Variants in HEATR9 observed in about 807,000 individuals in gnomAD.
HEATR9 encodes HEAT repeat containing 9.
Under a neutral mutation model 68.2 loss-of-function variants are expected in HEATR9, and 54 were observed. The ratio of observed to expected loss-of-function variants is 0.79; its 90% CI spans 0.64 to 0.99. HEATR9 has a LOEUF of 0.99. HEATR9 is among the 50% of genes least tolerant of loss of function. HEATR9 has a pLI of 0.00. For synonymous variants in HEATR9, 241 were observed against 253.5 expected, an observed-to-expected ratio of 0.95 and a Z score of 0.47; for missense variants, 662 against 679.7, an observed-to-expected ratio of 0.97 and a Z score of 0.29.
intron 8 of HEATR9, chr17:35,861,134 A>T (rs183902714): frequency 3.4e-5 from 46 of 1,352,860 alleles, no homozygotes; most frequent in Non-Finnish European, 4.7e-5. Context: ...TTCTCTTCCA[A>T]CTGCTTCCCT....
At chr17:35,867,656 G>GA (rs112596478) in intron 1 of HEATR9, among the ~76,000 whole-genome samples, 49 of 149,000 alleles carry the variant, frequency 3.3e-4, no homozygotes, top group Non-Finnish European at 5.1e-4. Context: ...CCTCAATTAG[G>GA]AAAAAAAAAA....
chr17:35,863,457 G>C (rs781092264), intron 7 of HEATR9, 45 bp downstream of exon 7: 2 of 1,584,758 alleles, frequency 1.3e-6, no homozygotes, highest in South Asian at 2.2e-5. Flanking sequence ...AGGAGAAAGT[G>C]GTTGCACTTT....
rs1194822883 is a variant in HEATR9 at position 35,863,008 on chromosome 17, A to G, written c.743T>C (p.Val248Ala). 2 of 1,614,042 alleles carry G rather than the reference A, an allele frequency of 1.2e-6. No homozygotes were observed. The highest frequency in any genetic ancestry group is 1.7e-5 in the Admixed American group (1 of 60,000). Residue 248 changes from valine to alanine, a missense_variant, in exon 8 of 15, where the codon GTC becomes GCC. Transcript: ENST00000604834. ...CCTCCCAATCACCTTGTCTTTAGAG[A>G]CAGCAGCCCAGGAGTTAAGAGCCAT... Reference protein sequence around the residue: ...LRMALNSWAAVSKDKRTQVGD... With the variant: ...LRMALNSWAAASKDKRTQVGD...
intron 8 of HEATR9, chr17:35,861,638 C>A: frequency 1.7e-6 from 1 of 598,266 alleles, no homozygotes; most frequent in Non-Finnish European, 3.0e-6. Context: ...ATTGGTCCTT[C>A]TGCCTGGAAT....
rs1390713986 is a variant in HEATR9, at chr17:35,860,061, C to T, written c.757-991G>A. On this transcript the variant is annotated intron_variant, in intron 8 of 14. Coordinates refer to ENST00000604834, the MANE Select transcript of HEATR9 (RefSeq NM_152781.4). ...GGCCAGTCTCCACTTGTGTCTTAGACCTTATCTCTTCTCGCCTATTTAAGG... is the reference window on the plus strand; with the variant it reads ...GGCCAGTCTCCACTTGTGTCTTAGATCTTATCTCTTCTCGCCTATTTAAGG... Among the ~76,000 whole-genome samples, 5 of 152,114 alleles carry T rather than the reference C, an allele frequency of 3.3e-5. 1 individual carries two copies. In the South Asian group the frequency reaches 1.0e-3, roughly 32 times the overall value.
intron 2 of HEATR9, among the ~76,000 whole-genome samples, chr17:35,866,455 C>T (rs951167797): frequency 6.6e-6 from 1 of 152,188 alleles, no homozygotes; most frequent in Non-Finnish European, 1.5e-5. Context: ...ATAAAAATGA[C>T]TTCCATTAGT....
intron 8 of HEATR9, among the ~76,000 whole-genome samples, chr17:35,859,689 A>G (rs1315448341): frequency 6.6e-6 from 1 of 152,070 alleles, no homozygotes; most frequent in African/African-American, 2.4e-5. Flanking sequence ...CCAACTCTCT[A>G]CTTTGTGCCA....
rs1324949728 is a variant in HEATR9 at position 35,865,032 on chromosome 17, A to AGAGCC, written c.321-147_321-143dup. On this transcript the variant is annotated intron_variant, in intron 3 of 14. Coordinates refer to ENST00000604834, the MANE Select transcript of HEATR9 (RefSeq NM_152781.4). ...AGATGAGGACTCAGTGATATCCACC[A>AGAGCC]GAGCCGAGCCGAGCCGAGCCGGCCG... 2.8e-5 allele frequency: 38 copies of AGAGCC among 1,357,790 alleles called. 2 individuals are homozygous for AGAGCC. Among genetic ancestry groups the AGAGCC allele is most frequent in the South Asian group, 2.4e-4 (18 of 75,752 alleles). 84.1% of individuals were successfully genotyped at this position (1,357,790 alleles called of 1,614,324 possible). A position where few individuals can be genotyped will look rare whatever the true frequency, so the allele number is the denominator to read the frequency against.
intron 6 of HEATR9, chr17:35,863,865 T>G (rs142577586): frequency 4.4e-4 from 241 of 551,260 alleles, no homozygotes; most frequent in East Asian, 2.1e-3. Flanking sequence ...ATTCCTGGTG[T>G]TGTTGTAAGA....
chr17:35,859,640 C>T (rs1436602090), intron 8 of HEATR9, among the ~76,000 whole-genome samples: 1 of 152,218 alleles, frequency 6.6e-6, no homozygotes, highest in African/African-American at 2.4e-5. Context: ...CTCCCTTACC[C>T]ACTCTTGCTT....
chr17:35,858,179 G>C, intron 11 of HEATR9, 21 bp downstream of exon 11: 1 of 1,614,076 alleles, frequency 6.2e-7, no homozygotes, highest in Non-Finnish European at 8.5e-7. Context: ...CTCTGGGCTT[G>C]GGAGCTTTGG....
Position 35,858,783 on chromosome 17 carries a change from G to C in HEATR9, c.939+105C>G, listed in dbSNP as rs1598581449. The C allele has an allele frequency of 7.9e-6, 10 of 1,259,754 alleles. No homozygotes were observed. In the East Asian group the frequency reaches 1.9e-4, roughly 23 times the overall value. 78.0% of individuals were successfully genotyped at this position (1,259,754 alleles called of 1,614,324 possible). A position where few individuals can be genotyped will look rare whatever the true frequency, so the allele number is the denominator to read the frequency against. On this transcript the variant is annotated intron_variant, in intron 9 of 14. Transcript: ENST00000604834. Reference sequence around the variant, plus strand: ...ACATGGACATAGTCATAAGCACACAGAGGATCCTGCAGTGCTCCACCACCA... The same window carrying C: ...ACATGGACATAGTCATAAGCACACACAGGATCCTGCAGTGCTCCACCACCA...
chr17:35,857,558 G>GC (rs993290192), intron 11 of HEATR9, among the ~76,000 whole-genome samples: 18 of 152,102 alleles, frequency 1.2e-4, no homozygotes, highest in African/African-American at 4.3e-4. Context: ...AGGAGATCGA[G>GC]CCCATCCTGG....
At chr17:35,856,557 G>A (rs2087778277) in intron 12 of HEATR9, among the ~76,000 whole-genome samples, 175 bp downstream of exon 12, 1 of 152,114 alleles carries the variant, frequency 6.6e-6, no homozygotes, top group African/African-American at 2.4e-5. Context: ...CAAAAGCTCA[G>A]GGGTCAAAGA....
At chr17:35,861,082 A>AGCATCCTCTTGTCC (rs1207182191) in intron 8 of HEATR9, 12 of 926,074 alleles carry the variant, frequency 1.3e-5, no homozygotes, top group Non-Finnish European at 2.0e-5. Flanking sequence ...ATTTTAAAGA[A>AGCATCCTCTTGTCC]GCATCCTCTT....
At chr17:35,855,882 C>G (rs769965047) in intron 13 of HEATR9, 132 bp from the exon 14 acceptor site, 6 of 776,904 alleles carry the variant, frequency 7.7e-6, no homozygotes, top group South Asian at 3.1e-5. Flanking sequence ...AGCTGAGATA[C>G]TCCTTTCCTT....
intron 8 of HEATR9, chr17:35,861,088 C>T (rs527476576): frequency 1.4e-5 from 13 of 960,084 alleles, no homozygotes; most frequent in Non-Finnish European, 2.2e-5. Flanking sequence ...AAGAAGCATC[C>T]TCTTGTCCAC....
At chr17:35,865,698 C>G (rs1030394678) in intron 2 of HEATR9, among the ~76,000 whole-genome samples, 4 of 152,200 alleles carry the variant, frequency 2.6e-5, no homozygotes, top group South Asian at 2.1e-4. Flanking sequence ...CACTGGTGAT[C>G]TGTAAATCGA....
At chr17:35,856,855 A>G (rs1470013718) in intron 11 of HEATR9, 50 bp from the exon 12 acceptor site, 18 of 1,468,206 alleles carry the variant, frequency 1.2e-5, no homozygotes, top group Non-Finnish European at 1.7e-5. Context: ...GCAAGGGTGT[A>G]CACTTAAGAG....
Sources: allele counts gnomAD v4.1 joint callset (sites outside exome capture counted in the v4.1 genomes callset), GRCh38; gene constraint gnomAD v4.1.1; transcripts MANE v1.5; gene names NCBI Gene and HGNC (gene_info 2026-07-23, HGNC 2026-07-21).